ELOA: variants seen among roughly 807,000 people sequenced by gnomAD.
ELOA encodes elongin A.
In ELOA, 15 loss-of-function variants were observed where a neutral mutation model predicts 85.2. The observed-to-expected ratio is 0.18, with a 90% CI of 0.12 to 0.27. ELOA has a LOEUF of 0.27. ELOA is among the 10% of genes least tolerant of loss of function. ELOA has a pLI of 1.00. For synonymous variants in ELOA, 348 were observed against 357.2 expected, an observed-to-expected ratio of 0.97 and a Z score of 0.29; for missense variants, 769 against 952.7, an observed-to-expected ratio of 0.81 and a Z score of 2.54.
chr1:23,755,819 ATGATGTCC>A lies in ELOA; in HGVS notation c.1792-21_1792-14del, dbSNP rs761012408. ...AATATGGAAAAGTGCTTGTACACAA[ATGATGTCC>A]TGGTTCTGGTTTCAGGTATTAATTG... is the stretch of plus-strand genomic sequence containing the variant. On this transcript the variant is annotated splice_polypyrimidine_tract_variant and intron_variant, in intron 7 of 10. Coordinates refer to ENST00000613537, the MANE Select transcript of ELOA (RefSeq NM_003198.3). The A allele has an allele frequency of 6.3e-7, 1 of 1,575,666 alleles. No homozygotes were observed. The highest frequency in any genetic ancestry group is 1.2e-5 in the South Asian group (1 of 86,246).
Position 23,761,607 on chromosome 1 carries a change from T to A in ELOA, c.*2034T>A, listed in dbSNP as rs1447567569. The A allele has an allele frequency of 6.6e-6, 1 of 152,142 alleles. No individual in the cohort carries two copies. Among genetic ancestry groups the A allele is most frequent in the African/African-American group, 2.4e-5 (1 of 41,424 alleles). The allele number at this position is 152,142 out of a possible 1,614,324, so 9.4% of individuals were successfully genotyped here. On this transcript the variant is annotated 3_prime_UTR_variant, in exon 11 of 11. Coordinates refer to ENST00000613537, the MANE Select transcript of ELOA (RefSeq NM_003198.3). ...GATGTTTTCCCCTCCCCCAAGAGTA[T>A]CTACATCAGGGATGTGACTTGGTGC...
intron 7 of ELOA, among the ~76,000 whole-genome samples, chr1:23,755,259 G>A (rs1458623246): frequency 4.6e-5 from 7 of 152,062 alleles, no homozygotes; most frequent in Non-Finnish European, 1.0e-4. Context: ...TGACTTGATC[G>A]CAGTTCTACC....
At chr1:23,757,923 C>T (rs900629861) in intron 10 of ELOA, among the ~76,000 whole-genome samples, 1 of 151,782 alleles carries the variant, frequency 6.6e-6, no homozygotes, top group African/African-American at 2.4e-5. Flanking sequence ...TGCCTATAAT[C>T]TCAGGTACTC....
At chr1:23,750,535 G>C (rs1350624082) in intron 3 of ELOA, among the ~76,000 whole-genome samples, 1 of 152,080 alleles carries the variant, frequency 6.6e-6, no homozygotes, top group Non-Finnish European at 1.5e-5. Context: ...TTGTGAACTA[G>C]ATAAATAGTG....
Position 23,751,353 on chromosome 1 carries a change from A to G in ELOA, c.748A>G (p.Lys250Glu), listed in dbSNP as rs779578955. 2 of 1,614,218 alleles carry G rather than the reference A, an allele frequency of 1.2e-6. No homozygotes were observed. The highest frequency in any genetic ancestry group is 1.7e-6 in the Non-Finnish European group (2 of 1,180,034). The change falls in exon 4 of 11, where the codon AAG (lysine) becomes GAG (glutamate). Residue 250 changes from lysine to glutamate, a missense_variant. By Grantham distance (56) the Lys-to-Glu change is moderately conservative. Transcript: ENST00000613537. ...SQNKEHKSSH[K>E]DKRPVDAKSD... ...AAACAAGGAGCACAAATCTTCCCACAAGGACAAACGCCCCGTGGATGCCAA... is the reference window on the plus strand; with the variant it reads ...AAACAAGGAGCACAAATCTTCCCACGAGGACAAACGCCCCGTGGATGCCAA...
Position 23,756,257 on chromosome 1 carries a change from T to C in ELOA, c.1973-17T>C. The C allele has an allele frequency of 6.5e-7, 1 of 1,542,554 alleles. No homozygotes were observed. The highest frequency in any genetic ancestry group is 8.7e-7 in the Non-Finnish European group (1 of 1,144,138). ...CTCTGCTCAAGAAGGCAGATGTTCA[T>C]CTCCATAATTCCACAGGCCGACAAG... On this transcript the variant is annotated splice_polypyrimidine_tract_variant and intron_variant, in intron 8 of 10. Transcript: ENST00000613537.
rs765774410 is a variant in ELOA at position 23,754,018 on chromosome 1, A to G, written c.1538-82A>G. On this transcript the variant is annotated intron_variant, in intron 5 of 10. Coordinates refer to ENST00000613537, the MANE Select transcript of ELOA (RefSeq NM_003198.3). ...CTGTAGCGTGGATTGCCATTGGGAA[A>G]GGGAAGTAGGAGGCTGAAGGGGGTA... 1.6e-5 allele frequency: 25 copies of G among 1,517,934 alleles called. No homozygotes were observed. In the African/African-American group the frequency reaches 1.7e-4, roughly 10 times the overall value. 94.0% of individuals were successfully genotyped at this position (1,517,934 alleles called of 1,614,324 possible). A position where few individuals can be genotyped will look rare whatever the true frequency, so the allele number is the denominator to read the frequency against.
rs1293274632 is a variant in ELOA, at chr1:23,751,613, C to T, written c.1008C>T (p.Ala336=). The change falls in exon 4 of 11, where the codon GCC becomes GCT. Residue 336 remains alanine (A), a synonymous_variant. Coordinates refer to ENST00000613537, the MANE Select transcript of ELOA (RefSeq NM_003198.3). ...KKPKHRDPEK[A]KLDKSKQGLD... is the part of the protein sequence containing the mutation. ...CAAAGCACAGAGACCCAGAGAAAGC[C>T]AAATTGGACAAAAGCAAGCAAGGTC... 13 of 1,614,054 alleles carry T rather than the reference C, an allele frequency of 8.1e-6. No individual in the cohort carries two copies. Among genetic ancestry groups the T allele is most frequent in the Non-Finnish European group, 1.0e-5 (12 of 1,180,052 alleles).
chr1:23,751,160 T>A lies in ELOA; in HGVS notation c.555T>A (p.Ser185Arg). Residue 185 changes from serine to arginine, a missense_variant, in exon 4 of 11, where the codon AGT becomes AGA. Physicochemically the swap from Ser to Arg is moderately radical, Grantham distance 110 (BLOSUM62 -1). Coordinates refer to ENST00000613537, the MANE Select transcript of ELOA (RefSeq NM_003198.3). ...TTCAATCCCCTCCATCTTGTACCAG[T>A]CCTCATCAGATGTACGTCGACCACT... ...GHVQSPPSCT[S>R]PHQMYVDHYR... is the part of the protein sequence containing the mutation. 1 of 1,614,030 alleles carries A rather than the reference T, an allele frequency of 6.2e-7. No individual in the cohort carries two copies. The highest frequency in any genetic ancestry group is 1.3e-5 in the African/African-American group (1 of 74,994).
rs754660836 is a variant in ELOA, at chr1:23,751,055, G to A, written c.450G>A (p.Glu150=). 1 of 1,614,138 alleles carries A rather than the reference G, an allele frequency of 6.2e-7. No homozygotes were observed. The highest frequency in any genetic ancestry group is 1.1e-5 in the South Asian group (1 of 91,086). The change falls in exon 4 of 11, where the codon GAG becomes GAA. Residue 150 remains glutamate, a synonymous_variant. Coordinates refer to ENST00000613537, the MANE Select transcript of ELOA (RefSeq NM_003198.3). ...ERPHKVSHGH[E]RRDERKRCHR... is the part of the protein sequence containing the mutation. ...CTCACAAAGTGTCTCACGGTCATGA[G>A]AGGAGAGATGAGAGAAAGAGGTGTC... is the stretch of plus-strand genomic sequence containing the variant.
chr1:23,759,376 G>A (rs1418576554), intron 10 of ELOA, 136 bp from the exon 11 acceptor site: 1 of 795,512 alleles, frequency 1.3e-6, no homozygotes, highest in African/African-American at 1.7e-5. Context: ...TGTGAACAGA[G>A]GAGATAGTTA....
chr1:23,749,707 G>T, intron 2 of ELOA, 135 bp from the exon 3 acceptor site: 1 of 699,326 alleles, frequency 1.4e-6, no homozygotes, highest in Admixed American at 2.9e-5. Context: ...AAGTAATTTA[G>T]TGTTAAGATT....
At position 23,751,746 on chromosome 1, in the gene ELOA, G is replaced by T; in HGVS notation, c.1141G>T (p.Asp381Tyr). ...AGAAGGGAAAGTCAAAACTAATTTGGATAGAAAGTCACTGGGCTCCCTCCC... is the reference window on the plus strand; with the variant it reads ...AGAAGGGAAAGTCAAAACTAATTTGTATAGAAAGTCACTGGGCTCCCTCCC... ...TPEGKVKTNL[D>Y]RKSLGSLPKV... The change falls in exon 4 of 11, where the codon GAT becomes TAT. Residue 381 changes from aspartate (D) to tyrosine (Y), a missense_variant. Transcript: ENST00000613537. 6.2e-7 allele frequency: 1 copy of T among 1,614,174 alleles called. No individual in the cohort carries two copies. The highest frequency in any genetic ancestry group is 1.3e-5 in the African/African-American group (1 of 75,038).
At chr1:23,745,303 C>T (rs1254264443) in intron 1 of ELOA, among the ~76,000 whole-genome samples, 1 of 152,074 alleles carries the variant, frequency 6.6e-6, no homozygotes, top group Non-Finnish European at 1.5e-5. Context: ...CTGTGACTGA[C>T]GTTTGATACC....
In ELOA at chr1:23,743,511, C is replaced by T. The variant is rs1644732150; in HGVS notation, c.8C>T (p.Ala3Val). ...GCCGCGCCAGTGACAGCGATGGCGG[C>T]GGAGTCGGCGCTCCAAGTTGTGGAG... Reference protein sequence around the residue: MAAESALQVVEKL... With the variant: MAVESALQVVEKL... The change falls in exon 1 of 11, where the codon GCG (alanine) becomes GTG (valine). Residue 3 changes from alanine (A) to valine (V), a missense_variant. By Grantham distance (64) the Ala-to-Val change is moderately conservative. Coordinates refer to ENST00000613537, the MANE Select transcript of ELOA (RefSeq NM_003198.3). 2.0e-5 allele frequency: 30 copies of T among 1,504,606 alleles called. No individual in the cohort carries two copies. The highest frequency in any genetic ancestry group is 4.2e-5 in the Admixed American group (2 of 47,532). 93.2% of individuals were successfully genotyped at this position (1,504,606 alleles called of 1,614,324 possible).
rs759869258 is a variant in ELOA, at chr1:23,754,245, C to T, written c.1683C>T (p.Asn561=). The T allele has an allele frequency of 1.2e-6, 2 of 1,614,210 alleles. No homozygotes were observed. Among genetic ancestry groups the T allele is most frequent in the South Asian group, 2.2e-5 (2 of 91,084 alleles). The change falls in exon 6 of 11, where the codon AAC becomes AAT. Residue 561 remains asparagine (N), a synonymous_variant. Transcript: ENST00000613537. The part of the protein sequence containing the change: ...LHQQCIRVLK[N]NIDSIFEVGG... The stretch of plus-strand genomic sequence containing the variant: ...AGCAATGCATCCGAGTACTTAAAAA[C>T]AACATCGATTGTAAGTCACACGCTT...
In ELOA at chr1:23,757,074, C is replaced by T. The variant is rs749441062; in HGVS notation, c.2206C>T (p.Pro736Ser). Residue 736 changes from proline to serine, a missense_variant, in exon 10 of 11, where the codon CCA (proline) becomes TCA (serine). By Grantham distance (74) the Pro-to-Ser change is moderately conservative. Transcript: ENST00000613537. Reference sequence around the variant, plus strand: ...AAGCACCAGCAGTGCCCACTTGGCACCAGTGGTCAGCAGCACTGTTTCCTA... The same window carrying T: ...AAGCACCAGCAGTGCCCACTTGGCATCAGTGGTCAGCAGCACTGTTTCCTA... ...GPSTSSAHLA[P>S]VVSSTVSYDP... 6.2e-7 allele frequency: 1 copy of T among 1,609,406 alleles called. No individual in the cohort carries two copies. The highest frequency in any genetic ancestry group is 8.5e-7 in the Non-Finnish European group (1 of 1,178,468).
At chr1:23,743,676 C>G (rs1021204505) in intron 1 of ELOA, 98 bp downstream of exon 1, 2 of 1,308,940 alleles carry the variant, frequency 1.5e-6, no homozygotes, top group Middle Eastern at 2.5e-4. Flanking sequence ...GGGCTGGGAC[C>G]CTGAGCCAGG....
intron 3 of ELOA, among the ~76,000 whole-genome samples, chr1:23,750,170 C>CTTTTTTTTTTTTTTTTT (rs747972246): frequency 1.1e-5 from 1 of 90,536 alleles, no homozygotes. Flanking sequence ...TGGTACGTTT[C>CTTTTTTTTTTTTTTTTT]TTTTTTTTTT....
Sources: gnomAD v4.1 joint callset for allele counts (sites outside exome capture counted in the v4.1 genomes callset) on GRCh38, gnomAD v4.1.1 for gene constraint, MANE v1.5 for transcripts, NCBI Gene and HGNC (gene_info 2026-07-23, HGNC 2026-07-21) for gene names.